Variants in FPGS observed in about 807,000 individuals in gnomAD.
FPGS encodes the protein folylpolyglutamate synthase.
FPGS carries 53 observed loss-of-function variants against 66.5 expected under a neutral mutation model. The ratio of observed to expected loss-of-function variants is 0.80; its 90% confidence interval spans 0.64 to 1.00. FPGS has a LOEUF of 1.00. FPGS is among the 50% of genes least tolerant of loss of function. The probability of loss-of-function intolerance (pLI) is 0.00; values close to 1 mark genes in which losing one functional copy is unlikely to be tolerated. For synonymous variants in FPGS, 348 were observed against 350.9 expected (o/e 0.99, Z 0.09); for missense variants, 702 against 807.7 (o/e 0.87, Z 1.59).
intron 14 of FPGS, among the ~76,000 whole-genome samples, 188 bp downstream of exon 14, chr9:127,811,199 C>T (rs547451141): frequency 2.0e-5 from 3 of 152,246 alleles, no homozygotes; most frequent in East Asian, 1.9e-4. Flanking sequence ...AAATTTTTGG[C>T]TGGCCACGGT....
intron 9 of FPGS, 53 bp from the exon 10 acceptor site, chr9:127,808,505 C>T: frequency 1.2e-6 from 2 of 1,604,072 alleles, no homozygotes; most frequent in East Asian, 2.3e-5. Context: ...GATGCAAGGG[C>T]TGACGTGGTC....
chr9:127,813,134 T>G (rs1009030370), intron 14 of FPGS, 61 bp from the exon 15 acceptor site: 5 of 1,501,904 alleles, frequency 3.3e-6, no homozygotes, highest in Middle Eastern at 1.8e-4. Flanking sequence ...CGCCCCTTTC[T>G]CCACCCCTGT....
At chr9:127,804,890 A>ATT (rs771028462) in intron 4 of FPGS, 190 bp downstream of exon 4, 6,319 of 475,560 alleles carry the variant, frequency 0.013, 55 homozygotes, top group African/African-American at 0.057. Context: ...GCAACCTTTA[A>ATT]TTTTTTTTTT....
chr9:127,811,437 G>A (rs891776162), intron 14 of FPGS, among the ~76,000 whole-genome samples: 1 of 151,828 alleles, frequency 6.6e-6, no homozygotes, highest in Non-Finnish European at 1.5e-5. Context: ...AGCCGAGATC[G>A]CGCCACTGCA....
chr9:127,814,202 C>T (rs1180439027), downstream of FPGS: 1 of 965,182 alleles, frequency 1.0e-6, no homozygotes, highest in Non-Finnish European at 1.2e-6. Context: ...TCCCTGTGCG[C>T]CTCAGGTGGC....
rs1479771408 is a variant in FPGS, at chr9:127,802,888, C to T, written c.-37C>T. ...GCTGGGGGCGGGGCGGGGCGTCTCC[C>T]GCCCGGGCCTAGAGCGCTGCCGGGG... On this transcript the variant is annotated 5_prime_UTR_variant, in exon 1 of 15. Transcript: ENST00000373247. 1.1e-4 allele frequency: 146 copies of T among 1,292,540 alleles called. No homozygotes were observed. The Middle Eastern group carries it at 1.2e-3, about 10-fold the overall frequency. The allele number at this position is 1,292,540 out of a possible 1,614,324, so 80.1% of individuals were successfully genotyped here.
intron 14 of FPGS, among the ~76,000 whole-genome samples, chr9:127,812,392 G>A (rs1036237717): frequency 6.7e-6 from 1 of 149,108 alleles, no homozygotes; most frequent in Admixed American, 6.7e-5. Context: ...GTGCAGTGGT[G>A]CCATCTCGGC....
At chr9:127,808,519 G>T (rs1273790700) in intron 9 of FPGS, 39 bp from the exon 10 acceptor site, 2 of 1,609,638 alleles carry the variant, frequency 1.2e-6, no homozygotes, top group Non-Finnish European at 1.7e-6. Context: ...CGTGGTCAGG[G>T]AGGGCCTCTG....
chr9:127,809,855 TGGGGCC>T, intron 12 of FPGS, 21 bp downstream of exon 12: 1 of 686,186 alleles, frequency 1.5e-6, no homozygotes, highest in South Asian at 1.7e-5. Context: ...GGGCTGGGGG[TGGGGCC>T]GGGGCTGGCC....
rs754649891 is a variant in FPGS, at chr9:127,808,355, C to G, written c.822+44C>G. On this transcript the variant is annotated intron_variant, in intron 9 of 14. Coordinates refer to ENST00000373247, the MANE Select transcript of FPGS (RefSeq NM_004957.6). ...GGGCAGCGGCAGGGTGGGTTTGTGT[C>G]CCTCCTGTTTGAGGAGGCACTGCAT... 5.7e-6 allele frequency: 9 copies of G among 1,567,134 alleles called. No homozygotes were observed. The Admixed American group carries it at 1.0e-4, about 17-fold the overall frequency.
chr9:127,804,934 G>A (rs1239528910), intron 4 of FPGS: 1 of 502,450 alleles, frequency 2.0e-6, no homozygotes, highest in African/African-American at 2.0e-5. Context: ...TATCGCCCAG[G>A]CTGGAGTACA....
chr9:127,803,308 C>T, intron 1 of FPGS: 2 of 1,219,724 alleles, frequency 1.6e-6, no homozygotes, highest in Non-Finnish European at 2.0e-6. Flanking sequence ...TGGGAAGTGG[C>T]ACAGGAGCTA....
chr9:127,805,579 C>T (rs112052976), intron 4 of FPGS, among the ~76,000 whole-genome samples: 2,732 of 151,212 alleles, frequency 0.018, 76 homozygotes, highest in African/African-American at 0.062. Flanking sequence ...GCTTGGGCAA[C>T]GTAGTGAGAC....
intron 14 of FPGS, among the ~76,000 whole-genome samples, chr9:127,811,661 T>A (rs1189480842): frequency 2.0e-5 from 3 of 152,042 alleles, no homozygotes; most frequent in African/African-American, 7.2e-5. Flanking sequence ...AAGTTTTATA[T>A]TTTTAGTAGA....
chr9:127,807,249 T>C lies in FPGS; in HGVS notation c.542T>C (p.Leu181Pro). The part of the protein sequence containing the change: ...CVSMPPYFRF[L>P]TLMAFHVFLQ... ...TCCATGCCCCCCTACTTCCGCTTCC[T>C]GACACTCATGGCCTTCCACGTCTTC... The change falls in exon 6 of 15, where the codon CTG becomes CCG. Residue 181 changes from leucine (L) to proline (P), a missense_variant. By Grantham distance (98) the Leu-to-Pro change is moderately conservative. Transcript: ENST00000373247. The surrounding 1 kb of genome is among the most constrained non-coding windows in gnomAD (Gnocchi z 5.8). 6.2e-7 allele frequency: 1 copy of C among 1,614,170 alleles called. No homozygotes were observed. Among genetic ancestry groups the C allele is most frequent in the Non-Finnish European group, 8.5e-7 (1 of 1,180,014 alleles).
At chr9:127,803,100 G>C in intron 1 of FPGS, 38 bp downstream of exon 1, 4 of 1,349,884 alleles carry the variant, frequency 3.0e-6, no homozygotes, top group Non-Finnish European at 3.8e-6. Flanking sequence ...GCCTGGGCGC[G>C]ACGACACGTG....
intron 4 of FPGS, among the ~76,000 whole-genome samples, chr9:127,806,161 G>C (rs193057804): frequency 5.0e-4 from 76 of 152,280 alleles, no homozygotes; most frequent in Middle Eastern, 3.4e-3. Context: ...TTGAGGCCAG[G>C]AGTTCAAGAG....
At chr9:127,809,114 T>C (rs1472927518) in intron 11 of FPGS, among the ~76,000 whole-genome samples, 1 of 152,132 alleles carries the variant, frequency 6.6e-6, no homozygotes, top group East Asian at 1.9e-4. Context: ...TAGGAGCCAC[T>C]GCCACGGGCT....
At chr9:127,806,759 G>A (rs1829824591) in intron 4 of FPGS, 5 of 577,408 alleles carry the variant, frequency 8.7e-6, no homozygotes, top group Middle Eastern at 4.6e-4. Flanking sequence ...TGAGACCAAC[G>A]TGGTGAATAG....
Sources: allele counts gnomAD v4.1 joint callset (sites outside exome capture counted in the v4.1 genomes callset), GRCh38; gene constraint gnomAD v4.1.1; non-coding constraint Gnocchi (gnomAD v3.1); transcripts MANE v1.5; gene names NCBI Gene and HGNC (gene_info 2026-07-23, HGNC 2026-07-21).